Variants in NMNAT3 observed in about 807,000 individuals in gnomAD.
The protein encoded by NMNAT3 is nicotinamide/nicotinic acid mononucleotide adenylyltransferase 3.
In NMNAT3, 21 loss-of-function variants were observed where a neutral mutation model predicts 24.8. The observed-to-expected ratio is 0.85, with a 90% CI of 0.60 to 1.22. NMNAT3 has a LOEUF of 1.22. Ranked by LOEUF, NMNAT3 falls within the 50% of genes most tolerant of loss-of-function variation. The pLI is 0.00. For synonymous variants in NMNAT3, 136 were observed against 155.2 expected (o/e 0.88, Z 0.92); for missense variants, 387 against 436.6 (o/e 0.89, Z 1.01).
chr3:139,567,822 C>T (rs1012796832), intron 6 of NMNAT3: 1 of 152,086 alleles, frequency 6.6e-6, no homozygotes, highest in Non-Finnish European at 1.5e-5. Context: ...TGTGTCTCTG[C>T]CAGGCTTTGG....
intron 6 of NMNAT3, chr3:139,567,646 T>C (rs1459215039): frequency 6.6e-6 from 1 of 152,248 alleles, no homozygotes; most frequent in South Asian, 2.1e-4. Context: ...ATTACATTTA[T>C]TGATTTGCAT....
chr3:139,673,202 G>A (rs2057814882), intron 1 of NMNAT3, among the ~76,000 whole-genome samples: 3 of 152,260 alleles, frequency 2.0e-5, no homozygotes, highest in South Asian at 4.2e-4. Flanking sequence ...CAGTGCCCAC[G>A]CCACTAGATT....
At chr3:139,664,564 T>A (rs1376405855) in intron 1 of NMNAT3, among the ~76,000 whole-genome samples, 1 of 152,120 alleles carries the variant, frequency 6.6e-6, no homozygotes. Context: ...GCCAACTCAG[T>A]GGTAATAAGA....
chr3:139,661,787 T>C (rs2057424264), intron 1 of NMNAT3, among the ~76,000 whole-genome samples: 1 of 152,216 alleles, frequency 6.6e-6, no homozygotes, highest in Admixed American at 6.5e-5. Context: ...CTTAAGTATA[T>C]GAAGGCACAT....
At chr3:139,604,912 A>C (rs751516540) in intron 3 of NMNAT3, among the ~76,000 whole-genome samples, 6 of 152,234 alleles carry the variant, frequency 3.9e-5, no homozygotes, top group Non-Finnish European at 5.9e-5. Flanking sequence ...GTGGTGCAGA[A>C]TGTGGTGGCA....
At chr3:139,632,883 A>G (rs1344164883) in intron 2 of NMNAT3, among the ~76,000 whole-genome samples, 1 of 152,220 alleles carries the variant, frequency 6.6e-6, no homozygotes, top group African/African-American at 2.4e-5. Flanking sequence ...AGATGTGATT[A>G]CATAAAGAAT....
At chr3:139,639,274 G>C (rs1414941882) in intron 1 of NMNAT3, among the ~76,000 whole-genome samples, 1 of 152,204 alleles carries the variant, frequency 6.6e-6, no homozygotes, top group African/African-American at 2.4e-5. Flanking sequence ...TAATCAAATT[G>C]AATGTATGGA....
At chr3:139,652,510 T>C (rs566816515) in intron 1 of NMNAT3, among the ~76,000 whole-genome samples, 52 of 152,112 alleles carry the variant, frequency 3.4e-4, no homozygotes, top group African/African-American at 1.1e-3. Context: ...CCCTGCCAGG[T>C]GTTCCAGGTG....
chr3:139,650,950 C>A (rs1382270390), intron 1 of NMNAT3, among the ~76,000 whole-genome samples: 1 of 151,970 alleles, frequency 6.6e-6, no homozygotes, highest in African/African-American at 2.4e-5. Flanking sequence ...ACAGTAGGAT[C>A]CAAGAAGTAA....
rs781274822 is a variant in NMNAT3 at position 139,578,906 on chromosome 3, G to T, written c.541C>A (p.Gln181Lys). The stretch of plus-strand genomic sequence containing the variant: ...TTCACTGTCTCCATCCACTGTGCCT[G>T]CTCACTCTCCCAAGGGTCCACCCGG... Residue 181 changes from glutamine (Q) to lysine (K), a missense_variant, in exon 5 of 7, where the codon CAG (glutamine) becomes AAG (lysine). By Grantham distance (53) the Gln-to-Lys change is moderately conservative. Around this residue, in one of 3 missense-constraint regions of NMNAT3, gnomAD observed 323 missense variants for 345.2 expected, o/e 0.94. Coordinates refer to ENST00000643695, the MANE Select transcript of NMNAT3 (RefSeq NM_001320510.2). 3.5e-5 allele frequency: 56 copies of T among 1,614,132 alleles called. No individual in the cohort carries two copies. The highest frequency in any genetic ancestry group is 3.4e-5 in the Non-Finnish European group (40 of 1,180,010).
chr3:139,646,484 C>A (rs780638942), intron 1 of NMNAT3, among the ~76,000 whole-genome samples: 44 of 152,196 alleles, frequency 2.9e-4, no homozygotes, highest in Non-Finnish European at 1.2e-4. Context: ...AATGAGGCAA[C>A]CAACATCTCC....
intron 1 of NMNAT3, among the ~76,000 whole-genome samples, chr3:139,648,681 T>C (rs1263416209): frequency 6.6e-6 from 1 of 152,178 alleles, no homozygotes; most frequent in Non-Finnish European, 1.5e-5. Context: ...CCTGCAAACA[T>C]ATGTCATCAG....
At chr3:139,650,908 T>C (rs1265286961) in intron 1 of NMNAT3, among the ~76,000 whole-genome samples, 1 of 152,196 alleles carries the variant, frequency 6.6e-6, no homozygotes, top group Non-Finnish European at 1.5e-5. Context: ...TCATAACTTC[T>C]CTTACAAAAA....
chr3:139,630,687 C>T (rs1232707012), intron 2 of NMNAT3, among the ~76,000 whole-genome samples: 1 of 152,188 alleles, frequency 6.6e-6, no homozygotes, highest in Non-Finnish European at 1.5e-5. Flanking sequence ...GAAAAGCTCT[C>T]AGCCTAGGCG....
intron 4 of NMNAT3, among the ~76,000 whole-genome samples, chr3:139,581,419 GA>G (rs1350420849): frequency 2.7e-5 from 4 of 150,682 alleles, no homozygotes; most frequent in Non-Finnish European, 5.9e-5. Flanking sequence ...TGAAATAGTA[GA>G]AAATGGGAAA....
At chr3:139,600,406 A>G (rs573315172) in intron 3 of NMNAT3, among the ~76,000 whole-genome samples, 39 of 152,004 alleles carry the variant, frequency 2.6e-4, no homozygotes, top group African/African-American at 8.2e-4. Context: ...CCTGGGTTCA[A>G]GGGATTCTCC....
intron 6 of NMNAT3, chr3:139,569,297 A>G (rs947533670): frequency 1.1e-4 from 16 of 152,228 alleles, no homozygotes; most frequent in African/African-American, 2.9e-4. Flanking sequence ...TCTTTATCCA[A>G]TTTACCAGTC....
At chr3:139,605,686 T>C (rs1389923385) in intron 3 of NMNAT3, among the ~76,000 whole-genome samples, 1 of 152,220 alleles carries the variant, frequency 6.6e-6, no homozygotes, top group Non-Finnish European at 1.5e-5. Context: ...GTGCTTGGAT[T>C]TGAAAGCAGG....
In NMNAT3 at chr3:139,599,373, C is replaced by T. The variant is rs954720069; in HGVS notation, c.110-16165G>A. 5.7e-6 allele frequency: 4 copies of T among 702,496 alleles called. No homozygotes were observed. In the African/African-American group the frequency reaches 7.0e-5, roughly 12 times the overall value. 43.5% of individuals were successfully genotyped at this position (702,496 alleles called of 1,614,324 possible). A position where few individuals can be genotyped will look rare whatever the true frequency, so the allele number is the denominator to read the frequency against. ...TGTGGGCACAAGCACAGTCTGGCCC[C>T]TACCACCTCATGCACACTTTTGCCC... On this transcript the variant is annotated intron_variant, in intron 3 of 6. Transcript: ENST00000643695.
Sources: allele counts gnomAD v4.1 joint callset (sites outside exome capture counted in the v4.1 genomes callset), GRCh38; gene constraint gnomAD v4.1.1; regional missense constraint gnomAD v4.1.1; transcripts MANE v1.5; gene names NCBI Gene and HGNC (gene_info 2026-07-23, HGNC 2026-07-21).